The following BNC2 variants were observed in gnomAD, a reference collection of about 807,000 sequenced individuals.
The protein encoded by BNC2 is basonuclin zinc finger protein 2, also known as zinc finger protein basonuclin-2.
In BNC2, 20 loss-of-function variants were observed where a neutral mutation model predicts 76.3. The observed-to-expected ratio is 0.26, with a 90% CI of 0.18 to 0.38. BNC2 has a LOEUF of 0.38. Ranked by LOEUF, BNC2 falls within the 10% of genes least tolerant of loss-of-function variation. The pLI is 1.00. For synonymous variants in BNC2, 582 were observed against 514.8 expected, an observed-to-expected ratio of 1.13 and a Z score of -1.77; for missense variants, 1,382 against 1,399.8, an observed-to-expected ratio of 0.99 and a Z score of 0.20.
At chr9:16,571,867 G>C (rs780603861) in intron 4 of BNC2, among the ~76,000 whole-genome samples, 2 of 151,950 alleles carry the variant, frequency 1.3e-5, no homozygotes, top group African/African-American at 2.4e-5. Context: ...AGAACTGCTT[G>C]TCAGAGTTTC....
At chr9:16,419,947 G>T (rs925964233) in intron 6 of BNC2, among the ~76,000 whole-genome samples, 1 of 152,042 alleles carries the variant, frequency 6.6e-6, no homozygotes, top group African/African-American at 2.4e-5. Context: ...TGATTACTCT[G>T]TTAGTTTTAC....
chr9:16,539,758 GGAAAGGAAAAGA>G (rs1563830982), intron 5 of BNC2, among the ~76,000 whole-genome samples: 6,032 of 85,214 alleles, frequency 0.071, 394 homozygotes, highest in East Asian at 0.17. Flanking sequence ...GGGAAGGAAA[GGAAAGGAAAAGA>G]AAGGAAAGGA....
At chr9:16,728,614 T>C (rs970779462) in intron 2 of BNC2, among the ~76,000 whole-genome samples, 8 of 151,864 alleles carry the variant, frequency 5.3e-5, no homozygotes, top group Non-Finnish European at 1.2e-4. Context: ...AGTTATGGTC[T>C]AAATGTTAGC....
intron 1 of BNC2, among the ~76,000 whole-genome samples, chr9:16,829,064 GGGCCTGGGGC>G (rs985794958): frequency 1.3e-5 from 2 of 152,130 alleles, no homozygotes; most frequent in Admixed American, 1.3e-4. Context: ...AGGGGACCTG[GGGCCTGGGGC>G]GGCCTGGGAG....
chr9:16,441,334 G>C (rs1431657627), intron 5 of BNC2, among the ~76,000 whole-genome samples: 1 of 152,148 alleles, frequency 6.6e-6, no homozygotes, highest in African/African-American at 2.4e-5. Flanking sequence ...ATTTGATCAA[G>C]ATTATCTAAT....
chr9:16,812,571 AG>A (rs1423547261), intron 1 of BNC2, among the ~76,000 whole-genome samples: 1 of 152,210 alleles, frequency 6.6e-6, no homozygotes, highest in East Asian at 1.9e-4. Context: ...ACTTCACACC[AG>A]GGGGAAGTCA....
Position 16,499,899 on chromosome 9 carries a change from C to A in BNC2, c.669+52631G>T, listed in dbSNP as rs980565895. On this transcript the variant is annotated intron_variant, in intron 5 of 6. Coordinates refer to ENST00000380672, the MANE Select transcript of BNC2 (RefSeq NM_017637.6). The stretch of plus-strand genomic sequence containing the variant: ...TAAGAAAATATGATCAATCTTCATT[C>A]TAACTACTCAATTTACTACTATCAT... Among the ~76,000 whole-genome samples the A allele has an allele frequency of 2.0e-5, 3 of 152,026 alleles. 1 individual carries two copies. In the South Asian group the frequency reaches 6.2e-4, roughly 32 times the overall value.
chr9:16,698,607 C>T (rs1290036461), intron 3 of BNC2, among the ~76,000 whole-genome samples: 1 of 152,060 alleles, frequency 6.6e-6, no homozygotes, highest in Non-Finnish European at 1.5e-5. Flanking sequence ...GCAGGAGAAT[C>T]GCTTGAACCC....
At chr9:16,453,662 C>T (rs1471503332) in intron 5 of BNC2, among the ~76,000 whole-genome samples, 6 of 152,070 alleles carry the variant, frequency 3.9e-5, no homozygotes, top group Non-Finnish European at 7.4e-5. Context: ...TAAAATAAAC[C>T]TCAGCCGGGC....
chr9:16,606,649 C>T (rs568828314), intron 3 of BNC2, among the ~76,000 whole-genome samples: 1 of 152,166 alleles, frequency 6.6e-6, no homozygotes, highest in African/African-American at 2.4e-5. Context: ...TTCTCCAGCC[C>T]CAGCCTCAAG....
At chr9:16,426,637 C>G (rs1404993525) in intron 6 of BNC2, among the ~76,000 whole-genome samples, 1 of 152,134 alleles carries the variant, frequency 6.6e-6, no homozygotes, top group Non-Finnish European at 1.5e-5. Flanking sequence ...AAAGAGTGAG[C>G]ATAATCTAAT....
At chr9:16,680,086 C>A (rs1157536594) in intron 3 of BNC2, among the ~76,000 whole-genome samples, 2 of 152,144 alleles carry the variant, frequency 1.3e-5, no homozygotes, top group African/African-American at 4.8e-5. Context: ...TCCTCATGTT[C>A]AACTGTGATT....
chr9:16,520,290 GA>G (rs1489534438), intron 5 of BNC2, among the ~76,000 whole-genome samples: 3 of 152,150 alleles, frequency 2.0e-5, no homozygotes, highest in African/African-American at 7.2e-5. Context: ...AGGAAACATC[GA>G]AGGTCAGTGC....
chr9:16,728,534 A>C (rs1411432), intron 2 of BNC2, among the ~76,000 whole-genome samples: 29,206 of 151,820 alleles, frequency 0.19, 2,833 homozygotes, highest in East Asian at 0.29. Context: ...AAACTGTGAT[A>C]CTTAAATTTT....
intron 1 of BNC2, among the ~76,000 whole-genome samples, chr9:16,767,763 C>T (rs772622065): frequency 2.0e-5 from 3 of 152,172 alleles, no homozygotes; most frequent in South Asian, 2.1e-4. Flanking sequence ...CACTACCTAA[C>T]TTCAACAATT....
At chr9:16,588,431 T>C (rs1235342770) in intron 3 of BNC2, among the ~76,000 whole-genome samples, 2 of 152,228 alleles carry the variant, frequency 1.3e-5, no homozygotes, top group Non-Finnish European at 2.9e-5. Flanking sequence ...CAGATTATTA[T>C]TTCTGTTTTA....
chr9:16,736,875 C>T lies in BNC2; in HGVS notation c.129+1485G>A, dbSNP rs369719306. The stretch of plus-strand genomic sequence containing the variant: ...AGGCTGGAGTGCAACGGCACCATCT[C>T]GGCTCACCGCAATCTCCGCCTCCCA... On this transcript the variant is annotated intron_variant, in intron 2 of 6. Transcript: ENST00000380672. Among the ~76,000 whole-genome samples, 1,151 of 151,160 alleles carry T rather than the reference C, an allele frequency of 7.6e-3. 19 individuals carry two copies. Among genetic ancestry groups the T allele is most frequent in the African/African-American group, 0.025 (1,046 of 41,170 alleles).
At chr9:16,606,929 T>G (rs7859395) in intron 3 of BNC2, among the ~76,000 whole-genome samples, 24,032 of 151,996 alleles carry the variant, frequency 0.16, 3,890 homozygotes, top group African/African-American at 0.41. Context: ...ATCCACATAA[T>G]GTGTGACTTG....
At chr9:16,426,752 G>A (rs990287864) in intron 6 of BNC2, among the ~76,000 whole-genome samples, 1 of 151,196 alleles carries the variant, frequency 6.6e-6, no homozygotes, top group African/African-American at 2.5e-5. Context: ...ATTTAGAAAC[G>A]GATGATTTTT....
Sources: gnomAD v4.1 joint callset for allele counts (sites outside exome capture counted in the v4.1 genomes callset) on GRCh38, gnomAD v4.1.1 for gene constraint, MANE v1.5 for transcripts, NCBI Gene and HGNC (gene_info 2026-07-23, HGNC 2026-07-21) for gene names.